The following LINGO2 variants were observed in gnomAD, a reference collection of about 807,000 sequenced individuals.
LINGO2 encodes leucine-rich repeat and immunoglobulin-like domain-containing nogo receptor-interacting protein 2.
In LINGO2, 14 loss-of-function variants were observed where a neutral mutation model predicts 30.6. The ratio of observed to expected loss-of-function variants is 0.46; its 90% CI spans 0.30 to 0.72. The LOEUF is 0.72. LINGO2 is among the 30% of genes least tolerant of loss of function. The pLI is 0.07. For synonymous variants in LINGO2, 317 were observed against 288.5 expected, an observed-to-expected ratio of 1.10 and a Z score of -1.00; for missense variants, 729 against 751.7, an observed-to-expected ratio of 0.97 and a Z score of 0.35.
At chr9:29,110,031 C>A in the LINGO2 span, among the ~76,000 whole-genome samples, 2 of 152,130 alleles carry the variant, frequency 1.3e-5, no homozygotes, top group African/African-American at 4.8e-5. Flanking sequence ...TTATCAGATA[C>A]CCTACCCAGG....
At chr9:28,529,728 A>C (rs1257350157) in intron 1 of LINGO2, among the ~76,000 whole-genome samples, 1 of 151,836 alleles carries the variant, frequency 6.6e-6, no homozygotes, top group Admixed American at 6.6e-5. Context: ...TTACATAAAT[A>C]CAAAACATAA....
the LINGO2 span, among the ~76,000 whole-genome samples, chr9:28,788,927 T>G: frequency 6.6e-6 from 1 of 152,174 alleles, no homozygotes; most frequent in Non-Finnish European, 1.5e-5. Context: ...CAACATGCAT[T>G]GCTCGAAAGA....
At chr9:29,045,143 G>A in the LINGO2 span, among the ~76,000 whole-genome samples, 1 of 152,092 alleles carries the variant, frequency 6.6e-6, no homozygotes, top group Admixed American at 6.6e-5. Context: ...TGGACAAAGA[G>A]ATGATTCATG....
At chr9:28,061,029 C>T (rs998805790) in intron 4 of LINGO2, among the ~76,000 whole-genome samples, 7 of 151,862 alleles carry the variant, frequency 4.6e-5, no homozygotes, top group African/African-American at 1.2e-4. Context: ...AATCCACAGT[C>T]GCATGCTGTT....
the LINGO2 span, among the ~76,000 whole-genome samples, chr9:28,992,406 C>T: frequency 6.6e-6 from 1 of 151,212 alleles, no homozygotes; most frequent in Non-Finnish European, 1.5e-5. Flanking sequence ...GACTCCCACA[C>T]AATAATAATG....
At chr9:28,456,288 G>A (rs62555259) in intron 2 of LINGO2, among the ~76,000 whole-genome samples, 5,408 of 152,248 alleles carry the variant, frequency 0.036, 155 homozygotes, top group Non-Finnish European at 0.05. Flanking sequence ...ACAGGGTCTG[G>A]CCTGGCTTGT....
the LINGO2 span, among the ~76,000 whole-genome samples, chr9:28,891,768 C>T: frequency 7.0e-6 from 1 of 142,814 alleles, no homozygotes; most frequent in South Asian, 2.2e-4. Context: ...TTAGAGAATA[C>T]TCATGCAATT....
chr9:28,446,478 T>G (rs1420788192), intron 2 of LINGO2, among the ~76,000 whole-genome samples: 1 of 152,248 alleles, frequency 6.6e-6, no homozygotes, highest in Non-Finnish European at 1.5e-5. Flanking sequence ...ACTATTATAC[T>G]TAATTAATAT....
chr9:28,371,656 T>TAG (rs1174653040), intron 3 of LINGO2, among the ~76,000 whole-genome samples: 15 of 152,182 alleles, frequency 9.9e-5, no homozygotes, highest in Non-Finnish European at 1.9e-4. Context: ...CGCTGTACCT[T>TAG]TATCCAAGGG....
At chr9:28,691,728 A>T in the LINGO2 span, among the ~76,000 whole-genome samples, 1 of 152,178 alleles carries the variant, frequency 6.6e-6, no homozygotes, top group African/African-American at 2.4e-5. Flanking sequence ...AAAATAATTC[A>T]TATCTCCATG....
At chr9:28,093,916 A>G (rs1323711694) in intron 4 of LINGO2, among the ~76,000 whole-genome samples, 1 of 151,950 alleles carries the variant, frequency 6.6e-6, no homozygotes, top group African/African-American at 2.4e-5. Flanking sequence ...ACTTTTTAGG[A>G]GATTGTAGTG....
chr9:29,138,571 C>G, the LINGO2 span, among the ~76,000 whole-genome samples: 2 of 152,108 alleles, frequency 1.3e-5, no homozygotes, highest in Non-Finnish European at 2.9e-5. Flanking sequence ...TTCCAATACT[C>G]TACTTAATCA....
the LINGO2 span, among the ~76,000 whole-genome samples, chr9:28,916,393 A>T: frequency 5.9e-5 from 9 of 152,184 alleles, no homozygotes; most frequent in Non-Finnish European, 1.5e-5. Context: ...ACGTCTGATA[A>T]GAAACATTTA....
intron 1 of LINGO2, among the ~76,000 whole-genome samples, chr9:28,646,669 G>T (rs1034581763): frequency 5.9e-5 from 9 of 151,990 alleles, no homozygotes; most frequent in Non-Finnish European, 1.2e-4. Context: ...GATTTGGAGA[G>T]GCTGATGTCT....
the LINGO2 span, among the ~76,000 whole-genome samples, chr9:29,104,349 C>T: frequency 6.6e-6 from 1 of 151,988 alleles, no homozygotes; most frequent in African/African-American, 2.4e-5. Flanking sequence ...GTGTGTAGCA[C>T]TTCCCCTTTC....
chr9:28,478,064 T>C (rs957282931), intron 1 of LINGO2, among the ~76,000 whole-genome samples: 3 of 152,148 alleles, frequency 2.0e-5, no homozygotes, highest in Admixed American at 6.5e-5. Flanking sequence ...AGAGAGTCTT[T>C]CCTTCCATCA....
rs74922842 is a variant in LINGO2, at chr9:28,546,592, C to A, written c.-364-70567G>T. On this transcript the variant is annotated intron_variant, in intron 1 of 5. Coordinates refer to ENST00000379992, the Ensembl canonical transcript of LINGO2. The stretch of plus-strand genomic sequence containing the variant: ...GGTCAAACAATTTCATTACAGCCAG[C>A]TCCTACACAGAAAGGTGGAAAAAGG... Among the ~76,000 whole-genome samples the A allele has an allele frequency of 4.2e-4, 64 of 152,114 alleles. 1 individual carries two copies. Among genetic ancestry groups the A allele is most frequent in the African/African-American group, 1.5e-3 (64 of 41,544 alleles).
At chr9:29,201,024 G>A in the LINGO2 span, among the ~76,000 whole-genome samples, 2 of 151,932 alleles carry the variant, frequency 1.3e-5, no homozygotes, top group Admixed American at 6.6e-5. Flanking sequence ...GATCACCACA[G>A]TTGATGTTGA....
At chr9:29,112,397 G>T in the LINGO2 span, among the ~76,000 whole-genome samples, 2 of 152,190 alleles carry the variant, frequency 1.3e-5, no homozygotes, top group South Asian at 4.1e-4. Context: ...CTTTCCAGGT[G>T]ATTCCAATGC....
Sources: allele counts gnomAD v4.1 joint callset (sites outside exome capture counted in the v4.1 genomes callset), GRCh38; gene constraint gnomAD v4.1.1; transcripts MANE v1.5; gene names NCBI Gene and HGNC (gene_info 2026-07-23, HGNC 2026-07-21).